The following RABL3 variants were observed in gnomAD, a reference collection of about 807,000 sequenced individuals.
The protein encoded by RABL3 is RAB, member of RAS oncogene family like 3.
In RABL3, 31 loss-of-function variants were observed where a neutral mutation model predicts 31.8. The observed-to-expected ratio is 0.97, with a 90% CI of 0.73 to 1.31. The LOEUF is 1.31. Ranked by LOEUF, RABL3 falls within the 40% of genes most tolerant of loss-of-function variation. The probability of loss-of-function intolerance (pLI) is 0.00; values close to 1 mark genes in which losing one functional copy is unlikely to be tolerated. For missense variants in RABL3, 263 were observed against 279.6 expected (o/e 0.94, Z 0.42); for synonymous variants, 97 against 99.9 (o/e 0.97, Z 0.18).
chr3:120,739,008 G>A (rs1439852241), intron 1 of RABL3, among the ~76,000 whole-genome samples: 1 of 152,094 alleles, frequency 6.6e-6, no homozygotes, highest in Non-Finnish European at 1.5e-5. Flanking sequence ...CCATACACTT[G>A]AGCCTGCAGG....
chr3:120,709,914 C>T lies in RABL3; in HGVS notation c.139-5G>A. ...TCCTTCTTTGTAATCATGAACCTAACAAATCAATCAATTAAAATAATTAAT... is the reference window on the plus strand; with the variant it reads ...TCCTTCTTTGTAATCATGAACCTAATAAATCAATCAATTAAAATAATTAAT... On this transcript the variant is annotated splice_polypyrimidine_tract_variant and splice_region_variant and intron_variant, in intron 2 of 7. Transcript: ENST00000273375. 1 of 1,578,544 alleles carries T rather than the reference C, an allele frequency of 6.3e-7. No homozygotes were observed. The highest frequency in any genetic ancestry group is 1.2e-5 in the South Asian group (1 of 86,666).
chr3:120,691,851 T>G (rs1380797178), intron 6 of RABL3, among the ~76,000 whole-genome samples: 1 of 152,150 alleles, frequency 6.6e-6, no homozygotes, highest in African/African-American at 2.4e-5. Context: ...CAGCCATTCA[T>G]CCAGATTCAA....
chr3:120,737,837 G>A (rs191476764), intron 1 of RABL3, among the ~76,000 whole-genome samples: 44 of 152,326 alleles, frequency 2.9e-4, no homozygotes, highest in South Asian at 2.7e-3. Flanking sequence ...GCAGAACAGC[G>A]AATATTGCTG....
At chr3:120,717,307 C>T (rs937717313) in intron 2 of RABL3, among the ~76,000 whole-genome samples, 1 of 150,330 alleles carries the variant, frequency 6.7e-6, no homozygotes, top group African/African-American at 2.4e-5. Context: ...AGACAGAAGT[C>T]AACTGGCTTA....
intron 2 of RABL3, among the ~76,000 whole-genome samples, chr3:120,720,229 T>TG (rs1017304889): frequency 1.3e-5 from 2 of 151,960 alleles, no homozygotes; most frequent in Admixed American, 6.5e-5. Flanking sequence ...ACCACAAAGA[T>TG]GGGGAAAAAA....
chr3:120,693,323 C>T (rs1310266455), intron 6 of RABL3, among the ~76,000 whole-genome samples: 2 of 151,818 alleles, frequency 1.3e-5, no homozygotes, highest in Non-Finnish European at 2.9e-5. Context: ...TTATCCAATG[C>T]TGAACAAAAG....
rs181043720 is a variant in RABL3, at chr3:120,740,577, A to G, written c.46+1885T>C. Among the ~76,000 whole-genome samples the G allele has an allele frequency of 8.1e-4, 124 of 152,186 alleles. 1 individual carries two copies. Among genetic ancestry groups the G allele is most frequent in the African/African-American group, 2.8e-3 (118 of 41,518 alleles). On this transcript the variant is annotated intron_variant, in intron 1 of 7. Coordinates refer to ENST00000273375, the MANE Select transcript of RABL3 (RefSeq NM_173825.5). ...TTGTCTGGCTAAGTCATTTCTTTAT[A>G]TATTTGTGAAACCCTCAAAATTTTA... is the stretch of plus-strand genomic sequence containing the variant.
intron 1 of RABL3, among the ~76,000 whole-genome samples, chr3:120,737,356 C>T (rs555538550): frequency 4.6e-5 from 7 of 152,332 alleles, no homozygotes; most frequent in Non-Finnish European, 1.0e-4. Context: ...GTTCTTGTGC[C>T]ATGGTTTTCA....
In RABL3 at chr3:120,686,947, AG is replaced by A. The variant is rs1259860592; in HGVS notation, c.*2875del. 1 of 152,236 alleles carries A rather than the reference AG, an allele frequency of 6.6e-6. No individual in the cohort carries two copies. Among genetic ancestry groups the A allele is most frequent in the Non-Finnish European group, 1.5e-5 (1 of 68,048 alleles). 9.4% of individuals were successfully genotyped at this position (152,236 alleles called of 1,614,324 possible). On this transcript the variant is annotated 3_prime_UTR_variant, in exon 8 of 8. Coordinates refer to ENST00000273375, the MANE Select transcript of RABL3 (RefSeq NM_173825.5). The stretch of plus-strand genomic sequence containing the variant: ...GAATGAAGGTTTTATGATCTACTTC[AG>A]GGAACAGTCACTTAGGGTTTATGGC...
At chr3:120,702,550 G>T (rs1708504062) in intron 4 of RABL3, among the ~76,000 whole-genome samples, 1 of 151,846 alleles carries the variant, frequency 6.6e-6, no homozygotes, top group African/African-American at 2.4e-5. Context: ...ACAGAGGAAG[G>T]GAAATTTTTC....
At chr3:120,720,101 C>G (rs1191997886) in intron 2 of RABL3, among the ~76,000 whole-genome samples, 1 of 152,200 alleles carries the variant, frequency 6.6e-6, no homozygotes, top group Admixed American at 6.5e-5. Context: ...CCAGCAAACT[C>G]CAACAGATCT....
chr3:120,719,568 G>C (rs948506648), intron 2 of RABL3, among the ~76,000 whole-genome samples: 1 of 152,348 alleles, frequency 6.6e-6, no homozygotes, highest in South Asian at 2.1e-4. Context: ...CTCCTGGCTC[G>C]AAGGGTCCTA....
intron 2 of RABL3, among the ~76,000 whole-genome samples, chr3:120,713,833 TG>T (rs1364374030): frequency 1.4e-5 from 2 of 138,522 alleles, no homozygotes; most frequent in Non-Finnish European, 3.1e-5. Context: ...TTTTTTGAGA[TG>T]GAGTCTCACT....
intron 2 of RABL3, among the ~76,000 whole-genome samples, chr3:120,716,308 T>C (rs73181942): frequency 0.021 from 3,255 of 152,318 alleles, 54 homozygotes; most frequent in Middle Eastern, 0.054. Context: ...CAGGAATGAA[T>C]GAAGAATACC....
At chr3:120,717,394 T>G (rs949121857) in intron 2 of RABL3, among the ~76,000 whole-genome samples, 1 of 152,152 alleles carries the variant, frequency 6.6e-6, no homozygotes, top group Non-Finnish European at 1.5e-5. Context: ...CAGGTAAGAC[T>G]GTCTTTAAAG....
intron 1 of RABL3, among the ~76,000 whole-genome samples, chr3:120,739,875 A>C (rs1477960909): frequency 6.6e-6 from 1 of 152,210 alleles, no homozygotes; most frequent in Middle Eastern, 3.2e-3. Flanking sequence ...CAGGCAGTAG[A>C]ATTGTATAGC....
intron 2 of RABL3, among the ~76,000 whole-genome samples, chr3:120,721,452 A>G (rs939475628): frequency 6.6e-6 from 1 of 152,226 alleles, no homozygotes; most frequent in East Asian, 1.9e-4. Flanking sequence ...GCAGAGACAC[A>G]CATAGGCTCA....
chr3:120,732,489 T>C (rs1309889159), intron 1 of RABL3, among the ~76,000 whole-genome samples: 1 of 152,224 alleles, frequency 6.6e-6, no homozygotes, highest in Non-Finnish European at 1.5e-5. Context: ...AAAAAAATGA[T>C]GCCATCTGTT....
chr3:120,731,284 G>T (rs1708879297), intron 1 of RABL3, among the ~76,000 whole-genome samples: 1 of 152,134 alleles, frequency 6.6e-6, no homozygotes, highest in Admixed American at 6.5e-5. Flanking sequence ...CTGTTAGAGG[G>T]TCTTCCAGAC....
Sources: allele counts gnomAD v4.1 joint callset (sites outside exome capture counted in the v4.1 genomes callset), GRCh38; gene constraint gnomAD v4.1.1; transcripts MANE v1.5; gene names NCBI Gene and HGNC (gene_info 2026-07-23, HGNC 2026-07-21).